The following L3MBTL4 variants were observed in gnomAD, a reference collection of about 807,000 sequenced individuals.
The protein encoded by L3MBTL4 is lethal(3)malignant brain tumor-like protein 4.
Under a neutral mutation model 84.5 loss-of-function variants are expected in L3MBTL4, and 70 were observed. That is an observed-to-expected ratio of 0.83 (90% CI 0.68 to 1.01). The LOEUF (loss-of-function observed/expected upper bound fraction) is 1.01, where lower values mean the gene tolerates loss of function less well. L3MBTL4 is among the 50% of genes least tolerant of loss of function. L3MBTL4 has a pLI of 0.00. For missense variants in L3MBTL4, 715 were observed against 754.8 expected (o/e 0.95, Z 0.62); for synonymous variants, 274 against 259.8 (o/e 1.05, Z -0.52).
intron 7 of L3MBTL4, among the ~76,000 whole-genome samples, chr18:6,242,341 G>A (rs536597735): frequency 7.9e-5 from 12 of 152,282 alleles, no homozygotes; most frequent in South Asian, 2.1e-4. Flanking sequence ...TATGTCCACA[G>A]AGAGGCCTTT....
chr18:6,321,366 C>G (rs781094569), intron 1 of L3MBTL4, among the ~76,000 whole-genome samples: 1 of 152,024 alleles, frequency 6.6e-6, no homozygotes, highest in Non-Finnish European at 1.5e-5. Context: ...CTACAAGGAA[C>G]ACAAACAAGT....
chr18:6,161,039 G>T (rs1173973916), intron 13 of L3MBTL4, among the ~76,000 whole-genome samples: 1 of 152,168 alleles, frequency 6.6e-6, no homozygotes, highest in Non-Finnish European at 1.5e-5. Context: ...AGCAGGCATG[G>T]TTTTTAGGTT....
In L3MBTL4 at chr18:6,204,570, A is replaced by G. The variant is rs73383989; in HGVS notation, c.981+8579T>C. Reference sequence around the variant, plus strand: ...TATACATAGATACACATTAAAACAAATTAAACCCAAAGTCTCTTTTGTCTC... The same window carrying G: ...TATACATAGATACACATTAAAACAAGTTAAACCCAAAGTCTCTTTTGTCTC... On this transcript the variant is annotated intron_variant, in intron 12 of 18. Coordinates refer to ENST00000317931, the MANE Select transcript of L3MBTL4 (RefSeq NM_001330559.2). Among the ~76,000 whole-genome samples the G allele has an allele frequency of 1.2e-3, 185 of 152,380 alleles. 1 individual carries two copies. Among genetic ancestry groups the G allele is most frequent in the African/African-American group, 4.4e-3 (183 of 41,592 alleles).
At chr18:6,384,171 A>G (rs1024707474) in intron 1 of L3MBTL4, among the ~76,000 whole-genome samples, 1 of 152,188 alleles carries the variant, frequency 6.6e-6, no homozygotes, top group Admixed American at 6.6e-5. Flanking sequence ...TACTGTGCAG[A>G]ACCTGCTTAC....
intron 14 of L3MBTL4, among the ~76,000 whole-genome samples, chr18:6,137,267 T>C (rs1314535061): frequency 2.0e-5 from 3 of 152,226 alleles, no homozygotes; most frequent in Non-Finnish European, 2.9e-5. Flanking sequence ...ATGAATGCTA[T>C]ATTTTTTTCT....
chr18:6,014,609 G>A (rs1272403722), intron 16 of L3MBTL4, among the ~76,000 whole-genome samples: 1 of 152,134 alleles, frequency 6.6e-6, no homozygotes, highest in African/African-American at 2.4e-5. Flanking sequence ...GAGGTGAGAG[G>A]AGCCTGGAGG....
At chr18:5,967,770 G>A (rs569674953) in intron 17 of L3MBTL4, among the ~76,000 whole-genome samples, 8 of 152,244 alleles carry the variant, frequency 5.3e-5, no homozygotes, top group Admixed American at 3.9e-4. Context: ...CAGAGTGGGA[G>A]AAGGCGGGAC....
intron 13 of L3MBTL4, among the ~76,000 whole-genome samples, chr18:6,162,506 G>T (rs951673899): frequency 2.6e-5 from 4 of 152,178 alleles, no homozygotes; most frequent in African/African-American, 7.2e-5. Context: ...GCGTGTGGTT[G>T]TATAGATCTA....
intron 16 of L3MBTL4, among the ~76,000 whole-genome samples, chr18:6,020,099 TA>T (rs1237225556): frequency 1.3e-5 from 2 of 152,080 alleles, no homozygotes; most frequent in East Asian, 3.9e-4. Flanking sequence ...GACAGTTAAA[TA>T]ATTAAAATAG....
At chr18:6,228,644 A>G (rs1029353703) in intron 10 of L3MBTL4, among the ~76,000 whole-genome samples, 10 of 152,162 alleles carry the variant, frequency 6.6e-5, no homozygotes, top group Admixed American at 2.0e-4. Context: ...AAGATCATTA[A>G]TTATTAGGGA....
intron 12 of L3MBTL4, among the ~76,000 whole-genome samples, chr18:6,181,573 G>A (rs188466147): frequency 1.4e-3 from 212 of 151,958 alleles, no homozygotes; most frequent in Non-Finnish European, 2.2e-3. Flanking sequence ...CAAGTTATCC[G>A]CCCACCTTGG....
chr18:6,093,146 A>G (rs2058514240), intron 15 of L3MBTL4, among the ~76,000 whole-genome samples: 1 of 152,256 alleles, frequency 6.6e-6, no homozygotes, highest in Admixed American at 6.5e-5. Context: ...AGGTAAATTC[A>G]AATATTTAAG....
intron 1 of L3MBTL4, among the ~76,000 whole-genome samples, chr18:6,335,378 A>G (rs770938621): frequency 6.6e-6 from 1 of 152,216 alleles, no homozygotes; most frequent in South Asian, 2.1e-4. Context: ...GGTATGAGCC[A>G]CTGCGCCTGT....
At chr18:6,319,485 T>C (rs1241896622) in intron 1 of L3MBTL4, among the ~76,000 whole-genome samples, 2 of 152,086 alleles carry the variant, frequency 1.3e-5, no homozygotes, top group Non-Finnish European at 2.9e-5. Context: ...TAAAATCATT[T>C]GTGACTACTG....
chr18:6,339,874 G>C (rs2052524720), intron 1 of L3MBTL4, among the ~76,000 whole-genome samples: 1 of 151,904 alleles, frequency 6.6e-6, no homozygotes. Context: ...ATCAAATCAA[G>C]AAAATGTTAA....
chr18:6,396,980 T>G (rs2055298794), intron 1 of L3MBTL4: 1 of 152,114 alleles, frequency 6.6e-6, no homozygotes, highest in East Asian at 1.9e-4. Flanking sequence ...CAAGTAAACG[T>G]TTTAAGTGTA....
chr18:6,377,790 C>T (rs1032916490), intron 1 of L3MBTL4, among the ~76,000 whole-genome samples: 3 of 152,182 alleles, frequency 2.0e-5, no homozygotes, highest in Non-Finnish European at 2.9e-5. Flanking sequence ...CATACATGTG[C>T]ATGCGTCTTT....
intron 13 of L3MBTL4, among the ~76,000 whole-genome samples, chr18:6,150,938 T>G (rs1449061690): frequency 7.2e-5 from 11 of 152,190 alleles, no homozygotes; most frequent in Admixed American, 7.2e-4. Context: ...TTCCAATGCC[T>G]TAGTGAGTGT....
intron 1 of L3MBTL4, among the ~76,000 whole-genome samples, chr18:6,340,195 G>T (rs183225256): frequency 6.6e-6 from 1 of 152,100 alleles, no homozygotes; most frequent in Non-Finnish European, 1.5e-5. Context: ...TGGCAGAATA[G>T]CAAATGCCAG....
Sources: gnomAD v4.1 joint callset for allele counts (sites outside exome capture counted in the v4.1 genomes callset) on GRCh38, gnomAD v4.1.1 for gene constraint, MANE v1.5 for transcripts, NCBI Gene and HGNC (gene_info 2026-07-23, HGNC 2026-07-21) for gene names.